The following YLPM1 variants were observed in gnomAD, a reference collection of about 807,000 sequenced individuals.
YLPM1 encodes the protein YLP motif containing 1.
YLPM1 carries 99 observed loss-of-function variants against 230.0 expected under a neutral mutation model. The observed-to-expected ratio is 0.43, with a 90% CI of 0.37 to 0.51. The LOEUF (loss-of-function observed/expected upper bound fraction) is 0.51. Ranked by LOEUF, YLPM1 falls within the 20% of genes least tolerant of loss-of-function variation. The probability of loss-of-function intolerance (pLI) is 0.00; values close to 1 mark genes in which losing one functional copy is unlikely to be tolerated. For missense variants in YLPM1, 2,592 were observed against 2,707.7 expected, an observed-to-expected ratio of 0.96 and a Z score of 0.95; for synonymous variants, 984 against 942.5, an observed-to-expected ratio of 1.04 and a Z score of -0.81.
chr14:74,778,754 T>C, intron 2 of YLPM1, 71 bp downstream of exon 2: 3 of 1,361,558 alleles, frequency 2.2e-6, no homozygotes, highest in Non-Finnish European at 3.0e-6. Flanking sequence ...AGTATACTTT[T>C]ATCATAAATG....
At chr14:74,788,419 C>G (rs1039349318) in intron 4 of YLPM1, among the ~76,000 whole-genome samples, 1 of 152,216 alleles carries the variant, frequency 6.6e-6, no homozygotes, top group African/African-American at 2.4e-5. Flanking sequence ...CGCGCCTGGC[C>G]TTCTGTCACA....
At position 74,798,310 on chromosome 14, in the gene YLPM1, A is replaced by G. The variant is rs759911955; in HGVS notation, c.3013A>G (p.Asn1005Asp). The G allele has an allele frequency of 2.6e-5, 42 of 1,613,840 alleles. No individual in the cohort carries two copies. The highest frequency in any genetic ancestry group is 5.0e-5 in the Admixed American group (3 of 59,996). The change falls in exon 5 of 21, where the codon AAT (asparagine) becomes GAT (aspartate). Residue 1005 changes from asparagine to aspartate, a missense_variant. Asn to Asp is a conservative substitution (Grantham distance 23, BLOSUM62 1). This residue lies in a region of YLPM1 where 1,862 missense variants were observed against 1,819.8 expected (regional missense o/e 1.02). Coordinates refer to ENST00000325680, the MANE Select transcript of YLPM1 (RefSeq NM_019589.3). ...NQDKGLPRPDNRDNRLEGNRG... is the reference protein window; with the variant it reads ...NQDKGLPRPDDRDNRLEGNRG... ...AGATAAAGGCCTGCCTCGGCCAGAT[A>G]ATAGAGATAATAGATTAGAAGGCAA...
Position 74,798,972 on chromosome 14 carries a change from A to G in YLPM1, c.3675A>G (p.Arg1225=). ...RERLDDWDRE[R]YWRECERDYQ... is the part of the protein sequence containing the mutation. Reference sequence around the variant, plus strand: ...GACTCGATGACTGGGATAGAGAGAGATACTGGAGAGAATGTGAACGTGACT... The same window carrying G: ...GACTCGATGACTGGGATAGAGAGAGGTACTGGAGAGAATGTGAACGTGACT... The change falls in exon 5 of 21, where the codon AGA becomes AGG. Residue 1225 remains arginine (R), a synonymous_variant. Transcript: ENST00000325680. 6.2e-7 allele frequency: 1 copy of G among 1,613,876 alleles called. No homozygotes were observed. The highest frequency in any genetic ancestry group is 8.5e-7 in the Non-Finnish European group (1 of 1,179,846).
chr14:74,785,514 A>G (rs1427427381), intron 4 of YLPM1, among the ~76,000 whole-genome samples: 1 of 152,198 alleles, frequency 6.6e-6, no homozygotes, highest in Non-Finnish European at 1.5e-5. Context: ...CAGTGTAACT[A>G]GGTAAAAAAT....
chr14:74,770,227 T>C (rs1029271527), intron 1 of YLPM1, among the ~76,000 whole-genome samples: 3 of 149,112 alleles, frequency 2.0e-5, no homozygotes, highest in African/African-American at 7.4e-5. Context: ...ATGCCTGTAG[T>C]GCCGGCTACT....
intron 16 of YLPM1, among the ~76,000 whole-genome samples, chr14:74,819,923 T>C (rs575472382): frequency 1.3e-5 from 2 of 152,352 alleles, no homozygotes; most frequent in South Asian, 4.1e-4. Flanking sequence ...TTTTATTTTG[T>C]ACCCTCTGTA....
At chr14:74,788,871 A>G (rs1407108626) in intron 4 of YLPM1, among the ~76,000 whole-genome samples, 1 of 152,178 alleles carries the variant, frequency 6.6e-6, no homozygotes, top group Non-Finnish European at 1.5e-5. Context: ...TAAGGCTACA[A>G]GTATTATTAT....
At chr14:74,774,113 G>A (rs371733711) in intron 1 of YLPM1, among the ~76,000 whole-genome samples, 2 of 152,132 alleles carry the variant, frequency 1.3e-5, no homozygotes, top group African/African-American at 4.8e-5. Flanking sequence ...TGTAAGTTGA[G>A]GATAATGTAA....
At chr14:74,810,848 C>G (rs2091427417) in intron 9 of YLPM1, among the ~76,000 whole-genome samples, 1 of 152,066 alleles carries the variant, frequency 6.6e-6, no homozygotes, top group Admixed American at 6.5e-5. Flanking sequence ...GAGACGGGGT[C>G]TCTCTCAGTC....
intron 1 of YLPM1, among the ~76,000 whole-genome samples, chr14:74,769,589 T>G (rs983295839): frequency 6.6e-6 from 1 of 150,764 alleles, no homozygotes; most frequent in South Asian, 2.1e-4. Context: ...GCCCGGCCAT[T>G]TTTTTTTGTA....
chr14:74,798,138 T>A lies in YLPM1; in HGVS notation c.2841T>A (p.Leu947=), dbSNP rs748191225. 4 of 1,613,954 alleles carry A rather than the reference T, an allele frequency of 2.5e-6. No homozygotes were observed. In the South Asian group the frequency reaches 4.4e-5, roughly 18 times the overall value. The change falls in exon 5 of 21, where the codon CTT becomes CTA. Residue 947 remains leucine, a synonymous_variant. Transcript: ENST00000325680. ...KAQAVTQPVP[L]ANKPVPAQST... is the part of the protein sequence containing the mutation. ...AAGCTGTTACTCAGCCTGTACCCCTTGCGAATAAGCCTGTACCTGCTCAAT... is the reference window on the plus strand; with the variant it reads ...AAGCTGTTACTCAGCCTGTACCCCTAGCGAATAAGCCTGTACCTGCTCAAT...
intron 1 of YLPM1, among the ~76,000 whole-genome samples, chr14:74,776,811 C>T (rs2091044990): frequency 6.6e-6 from 1 of 152,016 alleles, no homozygotes; most frequent in Non-Finnish European, 1.5e-5. Flanking sequence ...GCCTGTAATC[C>T]CAGCACTTTG....
rs974322848 is a variant in YLPM1, at chr14:74,763,344, C to T, written c.-146C>T. The T allele has an allele frequency of 3.0e-6, 3 of 1,007,892 alleles. No individual in the cohort carries two copies. The highest frequency in any genetic ancestry group is 1.7e-5 in the African/African-American group (1 of 59,500). The allele number at this position is 1,007,892 out of a possible 1,614,324, so 62.4% of individuals were successfully genotyped here. A position where few individuals can be genotyped will look rare whatever the true frequency, so the allele number is the denominator to read the frequency against. On this transcript the variant is annotated 5_prime_UTR_variant, in exon 1 of 21. Transcript: ENST00000325680. ...CCCGGTCGCGGGCCCAGCTCGGGAGCGCCGGCGCACTGGCGCGCTCCGTTT... is the reference window on the plus strand; with the variant it reads ...CCCGGTCGCGGGCCCAGCTCGGGAGTGCCGGCGCACTGGCGCGCTCCGTTT...
intron 1 of YLPM1, among the ~76,000 whole-genome samples, chr14:74,773,941 G>A (rs754287785): frequency 6.6e-6 from 1 of 151,788 alleles, no homozygotes; most frequent in Non-Finnish European, 1.5e-5. Context: ...GGCTGGTCTC[G>A]AACTCCTGAC....
rs45477896 is a variant in YLPM1 at position 74,763,413 on chromosome 14, C to G, written c.-77C>G. ...AGGCGCCGCGAGTTCCGGCTGTCGCCGTCGCCGCCGCGGCTCCTGGAGGTC... is the reference window on the plus strand; with the variant it reads ...AGGCGCCGCGAGTTCCGGCTGTCGCGGTCGCCGCCGCGGCTCCTGGAGGTC... On this transcript the variant is annotated 5_prime_UTR_variant, in exon 1 of 21. Transcript: ENST00000325680. The G allele has an allele frequency of 4.0e-4, 555 of 1,373,870 alleles. 1 individual carries two copies. Among genetic ancestry groups the G allele is most frequent in the Non-Finnish European group, 4.5e-4 (477 of 1,056,424 alleles). 85.1% of individuals were successfully genotyped at this position (1,373,870 alleles called of 1,614,324 possible).
Position 74,809,716 on chromosome 14 carries a change from C to T in YLPM1, c.4858C>T (p.Pro1620Ser), listed in dbSNP as rs765240014. The T allele has an allele frequency of 8.7e-6, 14 of 1,613,972 alleles. No individual in the cohort carries two copies. The highest frequency in any genetic ancestry group is 5.9e-6 in the Non-Finnish European group (7 of 1,179,916). Residue 1620 changes from proline (P) to serine (S), a missense_variant, in exon 7 of 21, where the codon CCT (proline) becomes TCT (serine). Physicochemically the swap from Pro to Ser is moderately conservative, Grantham distance 74 (BLOSUM62 -1). Transcript: ENST00000325680. ...PPPVHSSIPP[P>S]GPVPMGMPPM... ...ACCTGTTCACTCTTCCATTCCCCCT[C>T]CTGGCCCAGTGCCTATGGGTATGCC...
chr14:74,819,303 C>A (rs1722421697), intron 16 of YLPM1, among the ~76,000 whole-genome samples: 3 of 133,084 alleles, frequency 2.3e-5, no homozygotes, highest in Middle Eastern at 9.9e-3. Flanking sequence ...GAGGTGGAGT[C>A]TCACTCTGTC....
At position 74,763,727 on chromosome 14, in the gene YLPM1, C is replaced by A; in HGVS notation, c.238C>A (p.His80Asn). 2.6e-6 allele frequency: 4 copies of A among 1,520,086 alleles called. No individual in the cohort carries two copies. The highest frequency in any genetic ancestry group is 3.5e-6 in the Non-Finnish European group (4 of 1,132,710). The allele number at this position is 1,520,086 out of a possible 1,614,324, so 94.2% of individuals were successfully genotyped here. A position where few individuals can be genotyped will look rare whatever the true frequency, so the allele number is the denominator to read the frequency against. The change falls in exon 1 of 21, where the codon CAC (histidine) becomes AAC (asparagine). Residue 80 changes from histidine (H) to asparagine (N), a missense_variant. Physicochemically the swap from His to Asn is moderately conservative, Grantham distance 68 (BLOSUM62 1). This residue lies in a region of YLPM1 where 1,862 missense variants were observed against 1,819.8 expected (regional missense o/e 1.02). Transcript: ENST00000325680. ...AATGCAGTGCGTGCTTCAGCCCCAC[C>A]ACCTTCCTCCGCCCCCTCTGCCGCC... ...KQMQCVLQPH[H>N]LPPPPLPPPP...
At chr14:74,810,109 G>A in intron 8 of YLPM1, 107 bp downstream of exon 8, 1 of 1,458,274 alleles carries the variant, frequency 6.9e-7, no homozygotes, top group African/African-American at 1.4e-5. Context: ...ACAGCTAAAA[G>A]ATTCTTAGTT....
Sources: allele counts gnomAD v4.1 joint callset (sites outside exome capture counted in the v4.1 genomes callset), GRCh38; gene constraint gnomAD v4.1.1; regional missense constraint gnomAD v4.1.1; transcripts MANE v1.5; gene names NCBI Gene and HGNC (gene_info 2026-07-23, HGNC 2026-07-21).